The following TCF20 variants were observed in gnomAD, a reference collection of about 807,000 sequenced individuals.
The protein encoded by TCF20 is SPRE-binding protein.
In TCF20, 3 loss-of-function variants were observed where a neutral mutation model predicts 148.6. The ratio of observed to expected loss-of-function variants is 0.02; its 90% CI spans 0.01 to 0.05. The LOEUF is 0.05. Ranked by LOEUF, TCF20 falls within the 10% of genes least tolerant of loss-of-function variation. The pLI is 1.00. For synonymous variants in TCF20, 1,049 were observed against 909.5 expected (o/e 1.15, Z -2.76); for missense variants, 2,350 against 2,429.3 (o/e 0.97, Z 0.69).
chr22:42,279,056 G>A lies in TCF20; in HGVS notation c.-37+4771C>T, dbSNP rs868615567. Among the ~76,000 whole-genome samples the A allele has an allele frequency of 7.9e-5, 12 of 152,148 alleles. No individual in the cohort carries two copies. Among genetic ancestry groups the A allele is most frequent in the Middle Eastern group, 3.2e-3 (1 of 316 alleles). On this transcript the variant is annotated intron_variant, in intron 1 of 5. Transcript: ENST00000359486. The surrounding 1 kb of genome is among the most constrained non-coding windows in gnomAD (Gnocchi z 4.3). ...GTATATCCCTCTGTGGGCAAATGAT[G>A]ACAGACATGCATGGTAACCACTTCT...
Position 42,194,437 on chromosome 22 carries a change from T to C in TCF20, c.5656-14735A>G, listed in dbSNP as rs540892702. ...ACATTAGTAGTTGATACAGATACTA[T>C]CAACAACCCCGGCCGCCTTGCACAA... On this transcript the variant is annotated intron_variant, in intron 2 of 5. Transcript: ENST00000677622. Among the ~76,000 whole-genome samples the C allele has an allele frequency of 3.9e-5, 6 of 152,322 alleles. No homozygotes were observed. The South Asian group carries it at 1.2e-3, about 32-fold the overall frequency.
intron 1 of TCF20, among the ~76,000 whole-genome samples, chr22:42,313,042 G>C (rs147511213): frequency 6.6e-6 from 1 of 152,172 alleles, no homozygotes; most frequent in Non-Finnish European, 1.5e-5. Flanking sequence ...TCCCCAGCCT[G>C]AGTCACACCA....
intron 1 of TCF20, among the ~76,000 whole-genome samples, chr22:42,318,570 C>T (rs1034444019): frequency 6.6e-6 from 1 of 152,122 alleles, no homozygotes; most frequent in African/African-American, 2.4e-5. Context: ...AGGGAGCAGG[C>T]CCGGGCCAGG....
In TCF20 at chr22:42,299,451, TGGGGCCTCAATTTCCCCCAGGACAAA is replaced by T. The variant is rs1164198491; in HGVS notation, c.-37+44002_-37+44027del. On this transcript the variant is annotated intron_variant, in intron 1 of 1. Coordinates refer to the TCF20 transcript ENST00000515426. This position sits in a 1 kb window ranked among gnomAD's most constrained non-coding sequence, Gnocchi z 4.1. ...CACTCCTAGCCAACCTCCAATGCCC[TGGGGCCTCAATTTCCCCCAGGACAAA>T]GGGGCCTCAAGGCCTCATGAACAGA... 6.6e-6 allele frequency among the ~76,000 whole-genome samples: 1 copy of T among 152,188 alleles called. No individual in the cohort carries two copies. Among genetic ancestry groups the T allele is most frequent in the Non-Finnish European group, 1.5e-5 (1 of 68,030 alleles).
At chr22:42,234,806 A>T (rs1046864602) in intron 1 of TCF20, among the ~76,000 whole-genome samples, 6 of 152,176 alleles carry the variant, frequency 3.9e-5, no homozygotes, top group African/African-American at 1.4e-4. Context: ...AGAAAACCTA[A>T]TAATTAGGGT....
intron 1 of TCF20, among the ~76,000 whole-genome samples, chr22:42,219,039 GA>G (rs1922081257): frequency 6.6e-6 from 1 of 152,050 alleles, no homozygotes; most frequent in Non-Finnish European, 1.5e-5. Context: ...AACCAATTAA[GA>G]AAACCAACTA....
intron 1 of TCF20, among the ~76,000 whole-genome samples, chr22:42,294,054 T>C (rs1927181623): frequency 6.6e-6 from 1 of 152,178 alleles, no homozygotes; most frequent in African/African-American, 2.4e-5. Context: ...GGGGCTTGTT[T>C]TGAAAGCCAG....
intron 1 of TCF20, among the ~76,000 whole-genome samples, chr22:42,234,535 A>G (rs992035846): frequency 1.3e-5 from 2 of 152,194 alleles, no homozygotes; most frequent in African/African-American, 4.8e-5. Context: ...CACACTCTAC[A>G]CTTCCACGGT....
intron 1 of TCF20, among the ~76,000 whole-genome samples, chr22:42,267,564 G>C (rs1007118210): frequency 2.3e-4 from 35 of 152,028 alleles, no homozygotes; most frequent in African/African-American, 8.5e-4. Flanking sequence ...AGCTGGGCGT[G>C]GTGGTGCGCA....
chr22:42,301,883 G>A (rs941798501), intron 1 of TCF20, among the ~76,000 whole-genome samples: 5 of 152,240 alleles, frequency 3.3e-5, no homozygotes, highest in Admixed American at 2.0e-4. Flanking sequence ...GGACGGCCAC[G>A]GGGGCTGGTG....
chr22:42,212,313 C>G lies in TCF20; in HGVS notation c.2993G>C (p.Arg998Pro), dbSNP rs753305689. 1.2e-6 allele frequency: 2 copies of G among 1,614,164 alleles called. No individual in the cohort carries two copies. Among genetic ancestry groups the G allele is most frequent in the Non-Finnish European group, 1.7e-6 (2 of 1,180,036 alleles). ...MRRVPGRVGG[R>P]EGMRGRSPSQ... ...AGGGGACCGACCCCTCATGCCCTCCCGACCACCAACTCTGCCAGGGACCCG... is the reference window on the plus strand; with the variant it reads ...AGGGGACCGACCCCTCATGCCCTCCGGACCACCAACTCTGCCAGGGACCCG... Residue 998 changes from arginine (R) to proline (P), a missense_variant, in exon 2 of 6, where the codon CGG (arginine) becomes CCG (proline). Arg to Pro is a moderately radical substitution (Grantham distance 103). Transcript: ENST00000677622.
intron 2 of TCF20, among the ~76,000 whole-genome samples, chr22:42,185,388 G>A (rs920921497): frequency 4.6e-5 from 7 of 152,176 alleles, no homozygotes; most frequent in African/African-American, 1.7e-4. Flanking sequence ...TGGGCTGATG[G>A]AATGAATGCA....
chr22:42,232,805 G>C (rs28755789), intron 1 of TCF20, among the ~76,000 whole-genome samples: 1 of 131,400 alleles, frequency 7.6e-6, no homozygotes, highest in African/African-American at 3.0e-5. Context: ...TCTCCAAAAA[G>C]AAAAAAAAAA....
At chr22:42,311,696 G>A (rs1211716267) in intron 1 of TCF20, among the ~76,000 whole-genome samples, 1 of 152,190 alleles carries the variant, frequency 6.6e-6, no homozygotes, top group Non-Finnish European at 1.5e-5. Flanking sequence ...AAACGGGGAT[G>A]AAAACATCCC....
At chr22:42,174,817 C>T (rs901261268) in intron 3 of TCF20, among the ~76,000 whole-genome samples, 70 of 152,080 alleles carry the variant, frequency 4.6e-4, no homozygotes, top group African/African-American at 1.7e-3. Context: ...GGGCAGATCA[C>T]AAGGTCAGGA....
upstream of TCF20, among the ~76,000 whole-genome samples, chr22:42,286,229 A>T (rs576774834): frequency 6.6e-6 from 1 of 152,350 alleles, no homozygotes; most frequent in African/African-American, 2.4e-5. Flanking sequence ...GGCCAAGGAC[A>T]TGGGTCTGTC....
intron 2 of TCF20, among the ~76,000 whole-genome samples, chr22:42,187,005 T>C (rs1300953259): frequency 6.6e-6 from 1 of 152,198 alleles, no homozygotes; most frequent in African/African-American, 2.4e-5. Context: ...CCCTCTGTTA[T>C]GTGGAGAGCA....
chr22:42,323,278 G>A (rs1044591390), intron 1 of TCF20, among the ~76,000 whole-genome samples: 8 of 151,812 alleles, frequency 5.3e-5, no homozygotes, highest in South Asian at 2.1e-4. Context: ...ACCCAAGCCC[G>A]GAAGGGTCTG....
At chr22:42,307,993 AG>A (rs1927465922) in intron 1 of TCF20, among the ~76,000 whole-genome samples, 1 of 152,258 alleles carries the variant, frequency 6.6e-6, no homozygotes, top group Non-Finnish European at 1.5e-5. Context: ...GCAGGCTATT[AG>A]AATGAGTTAA....
Sources: gnomAD v4.1 joint callset for allele counts (sites outside exome capture counted in the v4.1 genomes callset) on GRCh38, gnomAD v4.1.1 for gene constraint, Gnocchi (gnomAD v3.1) non-coding constraint, MANE v1.5 for transcripts, NCBI Gene and HGNC (gene_info 2026-07-23, HGNC 2026-07-21) for gene names.